LMTK2: variants seen among roughly 807,000 people sequenced by gnomAD.
LMTK2 encodes the protein lemur tail kinase 2, also known as serine/threonine-protein kinase LMTK2.
LMTK2 carries 37 observed loss-of-function variants against 127.5 expected under a neutral mutation model. That is an observed-to-expected ratio of 0.29 (90% confidence interval 0.22 to 0.38). The LOEUF is 0.38. LMTK2 is among the 10% of genes least tolerant of loss of function. The pLI, the probability that LMTK2 is intolerant of heterozygous loss-of-function variation, is 1.00. For synonymous variants in LMTK2, 819 were observed against 810.1 expected, an observed-to-expected ratio of 1.01 and a Z score of -0.19; for missense variants, 1,694 against 1,920.3, an observed-to-expected ratio of 0.88 and a Z score of 2.20.
chr7:98,175,150 G>C (rs1024279343), intron 7 of LMTK2, among the ~76,000 whole-genome samples: 1 of 152,184 alleles, frequency 6.6e-6, no homozygotes, highest in African/African-American at 2.4e-5. Flanking sequence ...TGCACATACC[G>C]TGTGTGGTCA....
chr7:98,194,479 G>A lies in LMTK2; in HGVS notation c.4014G>A (p.Ala1338=), dbSNP rs1797596831. ...TGCGGAGTCTGTTGAAGCCCACAGC[G>A]GCCAATGCCCCCGACCCACTGCCCG... ...RHLRSLLKPT[A]ANAPDPLPED... is the part of the protein sequence containing the mutation. Residue 1338 remains alanine, a synonymous_variant, in exon 11 of 14, where the codon GCG becomes GCA. Coordinates refer to ENST00000297293, the MANE Select transcript of LMTK2 (RefSeq NM_014916.4). This position sits in a 1 kb window ranked among gnomAD's most constrained non-coding sequence, Gnocchi z 5.4. 2 of 1,613,942 alleles carry A rather than the reference G, an allele frequency of 1.2e-6. No homozygotes were observed. Among genetic ancestry groups the A allele is most frequent in the Non-Finnish European group, 1.7e-6 (2 of 1,180,030 alleles).
At chr7:98,114,718 CT>C (rs1796251953) in intron 1 of LMTK2, among the ~76,000 whole-genome samples, 2 of 152,186 alleles carry the variant, frequency 1.3e-5, no homozygotes, top group South Asian at 4.1e-4. Flanking sequence ...CTCCACAGCA[CT>C]TTTTTCAGAG....
At chr7:98,176,769 C>T (rs994393106) in intron 7 of LMTK2, among the ~76,000 whole-genome samples, 1 of 152,168 alleles carries the variant, frequency 6.6e-6, no homozygotes, top group African/African-American at 2.4e-5. Flanking sequence ...ATCGCTTGAA[C>T]CCGGGAGGCA....
At chr7:98,162,486 G>A (rs75281233) in intron 6 of LMTK2, among the ~76,000 whole-genome samples, 1 of 152,092 alleles carries the variant, frequency 6.6e-6, no homozygotes, top group Non-Finnish European at 1.5e-5. Context: ...CTTATACTTT[G>A]GGGTGAATAT....
At chr7:98,181,922 G>C (rs1041181623) in intron 7 of LMTK2, among the ~76,000 whole-genome samples, 1 of 152,184 alleles carries the variant, frequency 6.6e-6, no homozygotes, top group African/African-American at 2.4e-5. Flanking sequence ...CTCCCAAAGT[G>C]CTGGGATTAC....
Position 98,106,871 on chromosome 7 carries a change from C to T in LMTK2, c.-307C>T. ...CCCGCCCCCGCGCTACGTCACATGA[C>T]GCAGCCCATCATGGCGGCGGGAGCG... On this transcript the variant is annotated 5_prime_UTR_variant, in exon 1 of 14. In the 5' UTR this introduces an upstream ATG that the reference lacks. Coordinates refer to ENST00000297293, the MANE Select transcript of LMTK2 (RefSeq NM_014916.4). 1 of 443,100 alleles carries T rather than the reference C, an allele frequency of 2.3e-6. No individual in the cohort carries two copies. Among genetic ancestry groups the T allele is most frequent in the Non-Finnish European group, 4.0e-6 (1 of 250,630 alleles). The allele number at this position is 443,100 out of a possible 1,614,324, so 27.4% of individuals were successfully genotyped here. A position where few individuals can be genotyped will look rare whatever the true frequency, so the allele number is the denominator to read the frequency against.
Position 98,206,314 on chromosome 7 carries a change from C to T in LMTK2, c.*822C>T, listed in dbSNP as rs996227937. The T allele has an allele frequency of 3.9e-5, 6 of 152,244 alleles. No homozygotes were observed. Among genetic ancestry groups the T allele is most frequent in the Non-Finnish European group, 7.3e-5 (5 of 68,046 alleles). The allele number at this position is 152,244 out of a possible 1,614,324, so 9.4% of individuals were successfully genotyped here. A position where few individuals can be genotyped will look rare whatever the true frequency, so the allele number is the denominator to read the frequency against. The stretch of plus-strand genomic sequence containing the variant: ...TCTCTTCTTGATGAAGCGGCTTTGC[C>T]GCAGCAAATGAGGCTTCTCTCTGAG... On this transcript the variant is annotated 3_prime_UTR_variant, in exon 14 of 14. Coordinates refer to ENST00000297293, the MANE Select transcript of LMTK2 (RefSeq NM_014916.4).
chr7:98,195,917 C>T (rs1351635257), intron 11 of LMTK2, among the ~76,000 whole-genome samples: 3 of 152,160 alleles, frequency 2.0e-5, no homozygotes, highest in Non-Finnish European at 2.9e-5. Context: ...AGGCCAGGCG[C>T]GGTGGCTTAT....
At chr7:98,144,266 T>A (rs991240452) in intron 3 of LMTK2, among the ~76,000 whole-genome samples, 5 of 151,606 alleles carry the variant, frequency 3.3e-5, no homozygotes, top group Admixed American at 2.0e-4. Flanking sequence ...CCGTCTCTAC[T>A]AAAAATACAA....
intron 1 of LMTK2, among the ~76,000 whole-genome samples, chr7:98,134,878 T>A (rs918089239): frequency 2.0e-5 from 3 of 152,180 alleles, no homozygotes; most frequent in Non-Finnish European, 4.4e-5. Context: ...AAAGTTGACT[T>A]CCTCCAGATT....
intron 3 of LMTK2, among the ~76,000 whole-genome samples, chr7:98,147,379 T>C (rs1479874794): frequency 1.3e-5 from 2 of 152,134 alleles, no homozygotes; most frequent in African/African-American, 4.8e-5. Context: ...CTACCACTCC[T>C]GACTAATTTA....
chr7:98,155,467 A>G (rs1796913754), intron 5 of LMTK2, among the ~76,000 whole-genome samples: 1 of 152,204 alleles, frequency 6.6e-6, no homozygotes, highest in African/African-American at 2.4e-5. Flanking sequence ...GCTAAACAGG[A>G]TCAACCCAAG....
chr7:98,161,729 G>A (rs752007539), intron 6 of LMTK2, among the ~76,000 whole-genome samples: 15 of 152,130 alleles, frequency 9.9e-5, no homozygotes, highest in Non-Finnish European at 2.1e-4. Flanking sequence ...ACCCATGGAA[G>A]GTGATTTTGG....
chr7:98,152,022 A>T lies in LMTK2; in HGVS notation c.450+567A>T, dbSNP rs1253110764. Among the ~76,000 whole-genome samples the T allele has an allele frequency of 3.3e-5, 5 of 152,232 alleles. No individual in the cohort carries two copies. The East Asian group carries it at 9.6e-4, about 29-fold the overall frequency. On this transcript the variant is annotated intron_variant, in intron 4 of 13. Coordinates refer to ENST00000297293, the MANE Select transcript of LMTK2 (RefSeq NM_014916.4). Reference sequence around the variant, plus strand: ...TGAGACTTTTCTAATTGTTGACATAAGAAAGTAAGAAGGGAAAAGAGACCT... The same window carrying T: ...TGAGACTTTTCTAATTGTTGACATATGAAAGTAAGAAGGGAAAAGAGACCT...
At chr7:98,157,402 C>T (rs762444018) in intron 5 of LMTK2, among the ~76,000 whole-genome samples, 15 of 152,200 alleles carry the variant, frequency 9.9e-5, no homozygotes, top group Non-Finnish European at 2.1e-4. Context: ...AATACCTGGG[C>T]ACTATGGCCC....
At chr7:98,190,581 A>AACAAC in intron 9 of LMTK2, 147 bp from the exon 10 acceptor site, 1 of 824,112 alleles carries the variant, frequency 1.2e-6, no homozygotes, top group Non-Finnish European at 2.0e-6. Context: ...CTCTGTCTTA[A>AACAAC]AACAACAACA....
chr7:98,107,364 C>T (rs761133036), intron 1 of LMTK2, 84 bp downstream of exon 1: 1 of 559,884 alleles, frequency 1.8e-6, no homozygotes, highest in East Asian at 6.1e-5. Flanking sequence ...GGCCTCGGCG[C>T]CGAGGAATCG....
chr7:98,158,582 A>T (rs1796964865), intron 5 of LMTK2, among the ~76,000 whole-genome samples: 1 of 152,106 alleles, frequency 6.6e-6, no homozygotes, highest in Non-Finnish European at 1.5e-5. Context: ...AAAATATTAA[A>T]AAAAAAAATG....
At chr7:98,123,234 T>C (rs149638027) in intron 1 of LMTK2, among the ~76,000 whole-genome samples, 1 of 152,334 alleles carries the variant, frequency 6.6e-6, no homozygotes, top group East Asian at 1.9e-4. Context: ...CAAGGATTTA[T>C]ATATTCACAC....
Sources: allele counts gnomAD v4.1 joint callset (sites outside exome capture counted in the v4.1 genomes callset), GRCh38; gene constraint gnomAD v4.1.1; non-coding constraint Gnocchi (gnomAD v3.1); transcripts MANE v1.5; gene names NCBI Gene and HGNC (gene_info 2026-07-23, HGNC 2026-07-21).